The following IGSF1 variants were observed in gnomAD, a reference collection of about 807,000 sequenced individuals.
IGSF1 encodes the protein immunoglobulin superfamily member 1.
In IGSF1, 40 loss-of-function variants were observed where a neutral mutation model predicts 95.3. The observed-to-expected ratio is 0.42, with a 90% CI of 0.33 to 0.55. IGSF1 has a LOEUF of 0.55. Among genes scored for constraint, IGSF1 ranks in the 20% least tolerant of loss-of-function variants. The probability of loss-of-function intolerance (pLI) is 0.10; values close to 1 mark genes in which losing one functional copy is unlikely to be tolerated. For synonymous variants in IGSF1, 372 were observed against 382.9 expected (o/e 0.97, Z 0.33); for missense variants, 906 against 1,025.4 (o/e 0.88, Z 1.59).
intron 8 of IGSF1, 99 bp downstream of exon 8, chrX:131,281,567 A>AT: frequency 1.1e-5 from 11 of 1,017,430 alleles, no homozygotes; most frequent in Non-Finnish European, 1.5e-5. Flanking sequence ...AAGGGCTCTG[A>AT]TTTTCAGGCC....
At chrX:131,288,940 C>T (rs1043742125) in intron 1 of IGSF1, 6 of 228,669 alleles carry the variant, frequency 2.6e-5, no homozygotes, top group Non-Finnish European at 4.1e-5. Flanking sequence ...CGGCGGGGTG[C>T]CGGGTACATG....
At position 131,273,864 on chromosome X, in the gene IGSF1, C is replaced by T. The variant is rs1391402441; in HGVS notation, c.3943G>A (p.Gly1315Ser). 1.7e-6 allele frequency: 2 copies of T among 1,209,343 alleles called. No individual in the cohort carries two copies. Among genetic ancestry groups the T allele is most frequent in the Non-Finnish European group, 2.2e-6 (2 of 893,475 alleles). ...GATGAAGGAGAATTGGCAGGGGTGCCTGGTTCTCCTTCTTGGTTACACTCT... is the reference window on the plus strand; with the variant it reads ...GATGAAGGAGAATTGGCAGGGGTGCTTGGTTCTCCTTCTTGGTTACACTCT... Reference protein sequence around the residue: ...LEECNQEGEPGTPANSPSSTS... With the variant: ...LEECNQEGEPSTPANSPSSTS... The change falls in exon 20 of 20, where the codon GGC becomes AGC. Residue 1315 changes from glycine (G) to serine (S), a missense_variant. Around this residue, in one of 5 missense-constraint regions of IGSF1, gnomAD observed 411 missense variants for 494.9 expected, o/e 0.83. Transcript: ENST00000361420.
chrX:131,274,850 G>C lies in IGSF1; in HGVS notation c.3500C>G (p.Ala1167Gly). ...TAACTTGAACATGGTGCTGGGCCAGGCTGACAGAGAGGGTTTAGGGGGCTT... is the reference window on the plus strand; with the variant it reads ...TAACTTGAACATGGTGCTGGGCCAGCCTGACAGAGAGGGTTTAGGGGGCTT... ...TDKPPKPSLS[A>G]WPSTMFKLGK... is the part of the protein sequence containing the mutation. Residue 1167 changes from alanine (A) to glycine (G), a missense_variant, in exon 18 of 20, where the codon GCC becomes GGC. Ala to Gly is a moderately conservative substitution (Grantham distance 60, BLOSUM62 0). This residue lies in a region of IGSF1 where 411 missense variants were observed against 494.9 expected (regional missense o/e 0.83). Coordinates refer to ENST00000361420, the MANE Select transcript of IGSF1 (RefSeq NM_001555.5). 8.3e-7 allele frequency: 1 copy of C among 1,211,656 alleles called. No individual in the cohort carries two copies.
At position 131,281,177 on chromosome X, in the gene IGSF1, C is replaced by CT. The variant is rs1163222281; in HGVS notation, c.1646+40dup. ...TAGGGCATGACTCATTCTTCAGACT[C>CT]TGTTAGGTTGGGGAACAGGGGGCTG... On this transcript the variant is annotated intron_variant, in intron 9 of 19. Transcript: ENST00000361420. The CT allele has an allele frequency of 2.5e-6, 3 of 1,200,888 alleles. No homozygotes were observed. The Admixed American group carries it at 6.6e-5, about 26-fold the overall frequency.
At position 131,281,339 on chromosome X, in the gene IGSF1, C is replaced by T; in HGVS notation, c.1526-1G>A. The T allele has an allele frequency of 8.3e-7, 1 of 1,211,482 alleles. No homozygotes were observed. The stretch of plus-strand genomic sequence containing the variant: ...AGAACGTAATTCCAGGTGAGATAGC[C>T]TGTGGCCAGAGAAGACCAGAATCAG... On this transcript the variant is annotated splice_acceptor_variant, in intron 8 of 19. Coordinates refer to ENST00000361420, the MANE Select transcript of IGSF1 (RefSeq NM_001555.5). LOFTEE classifies it high-confidence loss of function.
Position 131,273,653 on chromosome X carries a change from C to T in IGSF1, c.*143G>A, listed in dbSNP as rs2080442093. The T allele has an allele frequency of 5.2e-6, 3 of 580,901 alleles. No individual in the cohort carries two copies. Among genetic ancestry groups the T allele is most frequent in the Admixed American group, 6.5e-5 (2 of 30,727 alleles). The allele number at this position is 580,901 out of a possible 1,213,427, so 47.9% of individuals were successfully genotyped here. A position where few individuals can be genotyped will look rare whatever the true frequency, so the allele number is the denominator to read the frequency against. ...CATCTCACCCTGGCAGAGCTCTCAA[C>T]TCCCAGAATCCCCTTTACCCAGCTC... On this transcript the variant is annotated 3_prime_UTR_variant, in exon 20 of 20. Coordinates refer to ENST00000361420, the MANE Select transcript of IGSF1 (RefSeq NM_001555.5).
chrX:131,275,342 C>G (rs2080461321), intron 16 of IGSF1, 56 bp from the exon 17 acceptor site: 1 of 1,152,176 alleles, frequency 8.7e-7, no homozygotes, highest in South Asian at 1.9e-5. Flanking sequence ...GTGCATCACC[C>G]CTGGGGTCTC....
intron 8 of IGSF1, 47 bp from the exon 9 acceptor site, chrX:131,281,385 G>T: frequency 8.4e-7 from 1 of 1,196,352 alleles, no homozygotes; most frequent in East Asian, 3.0e-5. Flanking sequence ...GGGGACAGGG[G>T]CAGGTGAATA....
intron 5 of IGSF1, chrX:131,284,978 A>C: frequency 1.2e-6 from 1 of 802,122 alleles, no homozygotes; most frequent in Non-Finnish European, 1.6e-6. Flanking sequence ...TTACTAGCCA[A>C]ATGATTGGCT....
rs1473217673 is a variant in IGSF1, at chrX:131,277,889, C to T, written c.2287G>A (p.Glu763Lys). ...HTEKRPFKWS[E>K]PSEPLELVIK... ...ACAAGCTCCAGCGGCTCACTGGGCT[C>T]AGACCACTTGAAGGGGCGTTTTTCA... Residue 763 changes from glutamate (E) to lysine (K), a missense_variant, in exon 13 of 20, where the codon GAG becomes AAG. Glu to Lys is a moderately conservative substitution (Grantham distance 56). Coordinates refer to ENST00000361420, the MANE Select transcript of IGSF1 (RefSeq NM_001555.5). 1.7e-6 allele frequency: 2 copies of T among 1,208,777 alleles called. No individual in the cohort carries two copies. Among genetic ancestry groups the T allele is most frequent in the African/African-American group, 3.5e-5 (2 of 56,991 alleles).
chrX:131,279,448 C>G (rs1291472215), intron 9 of IGSF1, 107 bp from the exon 10 acceptor site: 4 of 603,482 alleles, frequency 6.6e-6, no homozygotes, highest in Non-Finnish European at 8.4e-6. Flanking sequence ...CCAATGGGGA[C>G]TGGATATGGC....
At chrX:131,279,374 G>T (rs760448898) in intron 9 of IGSF1, 33 bp from the exon 10 acceptor site, 23 of 1,140,112 alleles carry the variant, frequency 2.0e-5, no homozygotes, top group African/African-American at 3.6e-5. Context: ...GAGAGGAGTT[G>T]CTGGGATGAG....
In IGSF1 at chrX:131,281,807, T is replaced by C; in HGVS notation, c.1384A>G (p.Lys462Glu). 1.7e-6 allele frequency: 2 copies of C among 1,211,241 alleles called. No homozygotes were observed. The highest frequency in any genetic ancestry group is 2.2e-6 in the Non-Finnish European group (2 of 895,123). The change falls in exon 8 of 20, where the codon AAA becomes GAA. Residue 462 changes from lysine (K) to glutamate (E), a missense_variant. Physicochemically the swap from Lys to Glu is moderately conservative, Grantham distance 56. Transcript: ENST00000361420. Reference protein sequence around the residue: ...LEWEERETFQKFSVNGDFIIS... With the variant: ...LEWEERETFQEFSVNGDFIIS... The stretch of plus-strand genomic sequence containing the variant: ...ATGAAGTCTCCGTTTACTGAGAATT[T>C]TTGGAATGTTTCTCTTTCTTCCCAT...
At chrX:131,277,826 C>G (rs2080496546) in intron 13 of IGSF1, 30 bp downstream of exon 13, 4 of 1,191,822 alleles carry the variant, frequency 3.4e-6, no homozygotes, top group East Asian at 3.0e-5. Flanking sequence ...CACCCTGCCC[C>G]CTTTCCTCCC....
Position 131,274,223 on chromosome X carries a change from G to A in IGSF1, c.3752-17C>T, listed in dbSNP as rs1422714754. The A allele has an allele frequency of 2.5e-6, 3 of 1,210,457 alleles. No individual in the cohort carries two copies. The highest frequency in any genetic ancestry group is 3.4e-6 in the Non-Finnish European group (3 of 894,779). Reference sequence around the variant, plus strand: ...CAACAGGCCCTGTGGTGATGAAAGAGGAGAAACCGAGGCCATGGAGATTAG... The same window carrying A: ...CAACAGGCCCTGTGGTGATGAAAGAAGAGAAACCGAGGCCATGGAGATTAG... On this transcript the variant is annotated splice_polypyrimidine_tract_variant and intron_variant, in intron 18 of 19. Coordinates refer to ENST00000361420, the MANE Select transcript of IGSF1 (RefSeq NM_001555.5).
At chrX:131,280,877 G>T in intron 9 of IGSF1, 1 of 168,457 alleles carries the variant, frequency 5.9e-6, no homozygotes, top group Non-Finnish European at 1.1e-5. Flanking sequence ...CTTCTTACAA[G>T]AGGAAAAATC....
rs2080488748 is a variant in IGSF1, at chrX:131,277,244, AAAAC to A, written c.2321-22_2321-19del. The A allele has an allele frequency of 3.5e-6, 4 of 1,142,685 alleles. No homozygotes were observed. Among genetic ancestry groups the A allele is most frequent in the Non-Finnish European group, 4.7e-6 (4 of 859,350 alleles). The allele number at this position is 1,142,685 out of a possible 1,213,427, so 94.2% of individuals were successfully genotyped here. On this transcript the variant is annotated intron_variant, in intron 13 of 19. Transcript: ENST00000361420. ...GTACATTTCTAGAAGGCAAAAAACA[AAAAC>A]AAAAACAAAAAACAAAATACAACAC...
intron 1 of IGSF1, among the ~76,000 whole-genome samples, chrX:131,287,407 C>T (rs749498777): frequency 4.5e-5 from 5 of 110,528 alleles, no homozygotes; most frequent in Non-Finnish European, 7.6e-5. Flanking sequence ...TTCACTCCCT[C>T]TTCACCCTCC....
In IGSF1 at chrX:131,278,127, G is replaced by A. The variant is rs2080501932; in HGVS notation, c.2049C>T (p.Leu683=). ...EALELVGTDI[L]PKPVISASPT... Reference sequence around the variant, plus strand: ...GGGAAGCAGAAATGACAGGTTTGGGGAGGATGTCTGGAAAACAGAATGGGG... The same window carrying A: ...GGGAAGCAGAAATGACAGGTTTGGGAAGGATGTCTGGAAAACAGAATGGGG... Residue 683 remains leucine, a synonymous_variant, in exon 13 of 20, where the codon CTC becomes CTT. Transcript: ENST00000361420. The A allele has an allele frequency of 8.3e-7, 1 of 1,205,950 alleles. No homozygotes were observed.
Sources: allele counts gnomAD v4.1 joint callset (sites outside exome capture counted in the v4.1 genomes callset), GRCh38; gene constraint gnomAD v4.1.1; regional missense constraint gnomAD v4.1.1; transcripts MANE v1.5; gene names NCBI Gene and HGNC (gene_info 2026-07-23, HGNC 2026-07-21).